Variants in ITGA1 observed in about 807,000 individuals in gnomAD.
The protein encoded by ITGA1 is integrin subunit alpha 1.
ITGA1 carries 85 observed loss-of-function variants against 145.9 expected under a neutral mutation model. That is an observed-to-expected ratio of 0.58 (90% CI 0.49 to 0.70). ITGA1 has a LOEUF of 0.70. ITGA1 is among the 30% of genes least tolerant of loss of function. The probability of loss-of-function intolerance (pLI) is 0.00; values close to 1 mark genes in which losing one functional copy is unlikely to be tolerated. For synonymous variants in ITGA1, 520 were observed against 495.3 expected (o/e 1.05, Z -0.66); for missense variants, 1,351 against 1,418.7 (o/e 0.95, Z 0.77).
At chr5:52,856,478 C>T (rs1220625492) in intron 2 of ITGA1, among the ~76,000 whole-genome samples, 2 of 152,090 alleles carry the variant, frequency 1.3e-5, no homozygotes, top group South Asian at 2.1e-4. Context: ...GCCTAACTCC[C>T]ATCCACTATA....
Position 52,858,296 on chromosome 5 carries a change from CT to C in ITGA1, c.183-3146del, listed in dbSNP as rs570970987. ...TATGAGAACATTCATGATCTGGACT[CT>C]TTTTACCTCTCTAGCCTCAACTTCT... is the stretch of plus-strand genomic sequence containing the variant. On this transcript the variant is annotated intron_variant, in intron 2 of 28. Coordinates refer to ENST00000282588, the MANE Select transcript of ITGA1 (RefSeq NM_181501.2). Among the ~76,000 whole-genome samples, 7 of 152,304 alleles carry C rather than the reference CT, an allele frequency of 4.6e-5. No individual in the cohort carries two copies. The East Asian group carries it at 1.3e-3, about 29-fold the overall frequency.
chr5:52,891,882 C>G (rs1262175245), intron 8 of ITGA1, among the ~76,000 whole-genome samples: 2 of 151,798 alleles, frequency 1.3e-5, no homozygotes, highest in African/African-American at 4.8e-5. Flanking sequence ...TTTTCATTAT[C>G]TTGAACATTT....
At chr5:52,815,787 A>T (rs181971933) in intron 1 of ITGA1, among the ~76,000 whole-genome samples, 108 of 152,364 alleles carry the variant, frequency 7.1e-4, no homozygotes, top group Non-Finnish European at 1.4e-3. Context: ...ATTGTAAGAC[A>T]TACTTACAGT....
intron 1 of ITGA1, among the ~76,000 whole-genome samples, chr5:52,815,312 G>T (rs1193783329): frequency 6.6e-6 from 1 of 152,182 alleles, no homozygotes; most frequent in Non-Finnish European, 1.5e-5. Flanking sequence ...GCTAGGTTTT[G>T]GGAGCCTGGG....
intron 22 of ITGA1, chr5:52,932,699 C>T (rs1750910374): frequency 6.6e-6 from 1 of 152,166 alleles, no homozygotes; most frequent in Non-Finnish European, 1.5e-5. Context: ...GAACTCCAAG[C>T]TTTTGCCAAA....
intron 16 of ITGA1, 58 bp from the exon 17 acceptor site, chr5:52,920,274 A>G: frequency 7.5e-7 from 1 of 1,329,930 alleles, no homozygotes; most frequent in Non-Finnish European, 1.0e-6. Context: ...TAATCTGTAC[A>G]ATATGAGAAT....
intron 18 of ITGA1, among the ~76,000 whole-genome samples, chr5:52,923,509 C>G (rs1298008263): frequency 2.0e-5 from 3 of 152,044 alleles, no homozygotes; most frequent in Non-Finnish European, 2.9e-5. Context: ...TCTCAGTTAT[C>G]TACTCTTCAA....
chr5:52,861,537 T>G lies in ITGA1; in HGVS notation c.273T>G (p.Pro91=). The part of the protein sequence containing the change: ...KCPVGRGESL[P]CVKLDLPVNT... Reference sequence around the variant, plus strand: ...CAGTTGGGAGAGGTGAATCATTACCTTGTGTAAAGTTGGATCTACCAGGTA... The same window carrying G: ...CAGTTGGGAGAGGTGAATCATTACCGTGTGTAAAGTTGGATCTACCAGGTA... The change falls in exon 3 of 29, where the codon CCT becomes CCG. Residue 91 remains proline, a synonymous_variant. Transcript: ENST00000282588. The G allele has an allele frequency of 6.2e-7, 1 of 1,611,828 alleles. No homozygotes were observed. Among genetic ancestry groups the G allele is most frequent in the African/African-American group, 1.3e-5 (1 of 74,976 alleles).
At chr5:52,948,464 C>T (rs1751167064) in intron 28 of ITGA1, among the ~76,000 whole-genome samples, 1 of 152,204 alleles carries the variant, frequency 6.6e-6, no homozygotes, top group African/African-American at 2.4e-5. Context: ...TTCTTACTCT[C>T]CTATGACTCA....
chr5:52,803,038 A>C (rs1489526102), intron 1 of ITGA1: 1 of 152,230 alleles, frequency 6.6e-6, no homozygotes, highest in East Asian at 1.9e-4. Context: ...CAAAATAATT[A>C]GGAACGATCT....
Position 52,898,198 on chromosome 5 carries a change from A to G in ITGA1, c.1165-41A>G, listed in dbSNP as rs773721975. ...TGGTGTTTAAGTATTTCCCCTTATTATTTTTATTAAATATTATTATCTTAT... is the reference window on the plus strand; with the variant it reads ...TGGTGTTTAAGTATTTCCCCTTATTGTTTTTATTAAATATTATTATCTTAT... On this transcript the variant is annotated intron_variant, in intron 10 of 28. Transcript: ENST00000282588. 41 of 1,311,058 alleles carry G rather than the reference A, an allele frequency of 3.1e-5. No individual in the cohort carries two copies. The East Asian group carries it at 9.3e-4, about 30-fold the overall frequency. 81.2% of individuals were successfully genotyped at this position (1,311,058 alleles called of 1,614,324 possible).
chr5:52,913,656 C>A (rs1036023926), intron 14 of ITGA1, among the ~76,000 whole-genome samples: 1 of 152,090 alleles, frequency 6.6e-6, no homozygotes, highest in East Asian at 1.9e-4. Flanking sequence ...CAACTACTTA[C>A]AAATAAAACA....
chr5:52,866,728 G>C (rs1561231434), intron 6 of ITGA1, among the ~76,000 whole-genome samples: 1 of 152,092 alleles, frequency 6.6e-6, no homozygotes, highest in Non-Finnish European at 1.5e-5. Flanking sequence ...AAATGAAGTG[G>C]AACTTCTCAC....
At chr5:52,931,976 C>A in intron 21 of ITGA1, 71 bp from the exon 22 acceptor site, 1 of 912,000 alleles carries the variant, frequency 1.1e-6, no homozygotes, top group Non-Finnish European at 1.8e-6. Context: ...GCTTCTCTTT[C>A]AAACACTTAG....
intron 1 of ITGA1, among the ~76,000 whole-genome samples, chr5:52,829,056 C>T (rs1580051000): frequency 6.6e-6 from 1 of 152,140 alleles, no homozygotes; most frequent in South Asian, 2.1e-4. Context: ...TTTAGACATC[C>T]TTAACTTAAA....
chr5:52,836,246 T>G (rs1314520233), intron 1 of ITGA1, among the ~76,000 whole-genome samples: 1 of 152,166 alleles, frequency 6.6e-6, no homozygotes, highest in Non-Finnish European at 1.5e-5. Flanking sequence ...AGTTCCATGG[T>G]GAGGATTATT....
chr5:52,855,910 C>T (rs139076831), intron 2 of ITGA1, among the ~76,000 whole-genome samples: 7 of 152,286 alleles, frequency 4.6e-5, no homozygotes, highest in African/African-American at 1.2e-4. Context: ...CTGGTCTTTA[C>T]TATTGGTCCC....
chr5:52,868,335 C>T (rs187992084), intron 6 of ITGA1, among the ~76,000 whole-genome samples: 4 of 152,272 alleles, frequency 2.6e-5, no homozygotes, highest in Admixed American at 6.5e-5. Flanking sequence ...AAAATCCATA[C>T]GGCTCTTTTA....
Position 52,954,623 on chromosome 5 carries a change from G to GTGTGTC in ITGA1, c.*2177_*2178insCTGTGT, listed in dbSNP as rs1265573337. ...AATATTATAATTTGTTGAGGTTTGT[G>GTGTGTC]TGTGTGTGTGTGTGCATGTGCAGAC... is the stretch of plus-strand genomic sequence containing the variant. On this transcript the variant is annotated 3_prime_UTR_variant, in exon 29 of 29. Transcript: ENST00000282588. The GTGTGTC allele has an allele frequency of 2.6e-5, 4 of 152,006 alleles. No individual in the cohort carries two copies. The highest frequency in any genetic ancestry group is 7.2e-5 in the African/African-American group (3 of 41,388). 9.4% of individuals were successfully genotyped at this position (152,006 alleles called of 1,614,324 possible). A position where few individuals can be genotyped will look rare whatever the true frequency, so the allele number is the denominator to read the frequency against.
Sources: gnomAD v4.1 joint callset for allele counts (sites outside exome capture counted in the v4.1 genomes callset) on GRCh38, gnomAD v4.1.1 for gene constraint, MANE v1.5 for transcripts, NCBI Gene and HGNC (gene_info 2026-07-23, HGNC 2026-07-21) for gene names.